DIP2A: variants seen among roughly 807,000 people sequenced by gnomAD.
DIP2A encodes the protein DIP2 acetate--CoA ligase A, also known as disco-interacting protein 2 homolog A.
DIP2A carries 85 observed loss-of-function variants against 177.4 expected under a neutral mutation model. That is an observed-to-expected ratio of 0.48 (90% CI 0.40 to 0.57). The LOEUF (loss-of-function observed/expected upper bound fraction) is 0.57. Among genes scored for constraint, DIP2A ranks in the 20% least tolerant of loss-of-function variants. The pLI is 0.00. For synonymous variants in DIP2A, 886 were observed against 881.8 expected (o/e 1.00, Z -0.08); for missense variants, 1,791 against 2,100.2 (o/e 0.85, Z 2.88).
In DIP2A at chr21:46,537,254, A is replaced by G; in HGVS notation, c.1673A>G (p.Lys558Arg). 1 of 1,614,042 alleles carries G rather than the reference A, an allele frequency of 6.2e-7. No individual in the cohort carries two copies. Among genetic ancestry groups the G allele is most frequent in the Non-Finnish European group, 8.5e-7 (1 of 1,179,884 alleles). ...ACATTAACAAACGTGCTGGATTTCAAAAGGGATGCTGGTCTGTGGCATGGC... is the reference window on the plus strand; with the variant it reads ...ACATTAACAAACGTGCTGGATTTCAGAAGGGATGCTGGTCTGTGGCATGGC... ...AETLTNVLDF[K>R]RDAGLWHGVL... The change falls in exon 14 of 38, where the codon AAA becomes AGA. Residue 558 changes from lysine (K) to arginine (R), a missense_variant. Physicochemically the swap from Lys to Arg is conservative, Grantham distance 26 (BLOSUM62 2). Coordinates refer to ENST00000417564, the MANE Select transcript of DIP2A (RefSeq NM_015151.4). This position sits in a 1 kb window ranked among gnomAD's most constrained non-coding sequence, Gnocchi z 4.1.
intron 11 of DIP2A, 112 bp from the exon 12 acceptor site, chr21:46,533,892 C>T: frequency 9.8e-7 from 1 of 1,024,030 alleles, no homozygotes; most frequent in Non-Finnish European, 1.4e-6. Context: ...CTAAAACTTG[C>T]ACTCCTTATT....
intron 18 of DIP2A, 33 bp from the exon 19 acceptor site, chr21:46,545,104 C>A: frequency 6.4e-7 from 1 of 1,561,314 alleles, no homozygotes; most frequent in South Asian, 1.2e-5. Context: ...TAAACACGTT[C>A]TTGATAATTT....
intron 1 of DIP2A, among the ~76,000 whole-genome samples, chr21:46,476,403 GT>G (rs143926236): frequency 0.019 from 2,899 of 152,264 alleles, 84 homozygotes; most frequent in African/African-American, 0.065. Flanking sequence ...AATCTACAGA[GT>G]TGGCATCAGC....
intron 1 of DIP2A, among the ~76,000 whole-genome samples, chr21:46,468,412 TAA>T (rs59835943): frequency 1.0e-3 from 144 of 142,568 alleles, no homozygotes; most frequent in East Asian, 2.2e-3. Flanking sequence ...ATACCCTGTC[TAA>T]AAAAAAAAAA....
At chr21:46,544,973 G>A (rs946696012) in intron 18 of DIP2A, among the ~76,000 whole-genome samples, 164 bp from the exon 19 acceptor site, 1 of 152,176 alleles carries the variant, frequency 6.6e-6, no homozygotes, top group East Asian at 1.9e-4. Flanking sequence ...AAGACTTACA[G>A]CTAGGTAGCA....
chr21:46,482,204 G>C (rs2056388958), intron 1 of DIP2A, among the ~76,000 whole-genome samples: 1 of 152,164 alleles, frequency 6.6e-6, no homozygotes, highest in African/African-American at 2.4e-5. Flanking sequence ...TCTATAGACT[G>C]CACAGACATT....
At chr21:46,555,438 A>C in intron 28 of DIP2A, 1 of 196,920 alleles carries the variant, frequency 5.1e-6, no homozygotes, top group East Asian at 1.3e-4. Flanking sequence ...AGGGGAGGGC[A>C]GGCTCAGAGC....
At chr21:46,540,948 G>A (rs2059790706) in intron 17 of DIP2A, among the ~76,000 whole-genome samples, 1 of 150,816 alleles carries the variant, frequency 6.6e-6, no homozygotes. Context: ...CCAGGAGGTG[G>A]AGGTTGCAAT....
downstream of DIP2A, among the ~76,000 whole-genome samples, chr21:46,574,643 T>G (rs1397162232): frequency 6.6e-6 from 1 of 151,992 alleles, no homozygotes; most frequent in Non-Finnish European, 1.5e-5. Flanking sequence ...AATTCTACAG[T>G]AATAAAAAGC....
intron 25 of DIP2A, 110 bp downstream of exon 25, chr21:46,552,014 C>CA: frequency 7.7e-7 from 1 of 1,301,654 alleles, no homozygotes; most frequent in Non-Finnish European, 1.1e-6. Context: ...GTTTAGAGAA[C>CA]AGGGTGCCTG....
At chr21:46,555,367 C>T (rs1191436147) in intron 28 of DIP2A, among the ~76,000 whole-genome samples, 1 of 152,246 alleles carries the variant, frequency 6.6e-6, no homozygotes, top group Non-Finnish European at 1.5e-5. Flanking sequence ...CCCCTGGCTC[C>T]CCTCTGCCGT....
chr21:46,561,035 G>C (rs34529071), intron 33 of DIP2A: 278,886 of 984,052 alleles, frequency 0.28, 40,511 homozygotes, highest in Middle Eastern at 0.33. Context: ...GTCTATCTCT[G>C]TGCGCCCGTG....
At chr21:46,554,069 G>C (rs2060365993) in intron 25 of DIP2A, 100 bp from the exon 26 acceptor site, 6 of 1,431,334 alleles carry the variant, frequency 4.2e-6, no homozygotes, top group Non-Finnish European at 5.7e-6. Flanking sequence ...TAATCACAAG[G>C]TGTCGTGTGC....
intron 17 of DIP2A, among the ~76,000 whole-genome samples, 200 bp downstream of exon 17, chr21:46,540,191 T>C (rs187478103): frequency 4.6e-5 from 7 of 152,306 alleles, no homozygotes; most frequent in Admixed American, 2.6e-4. Context: ...ATACTCTGGA[T>C]TCTTGCAGAA....
chr21:46,469,999 T>C (rs961820294), intron 1 of DIP2A, among the ~76,000 whole-genome samples: 1 of 152,248 alleles, frequency 6.6e-6, no homozygotes, highest in Non-Finnish European at 1.5e-5. Context: ...ATTTAATCTT[T>C]TAATGTATTA....
intron 17 of DIP2A, among the ~76,000 whole-genome samples, chr21:46,540,571 C>T (rs1180194809): frequency 6.6e-6 from 1 of 152,210 alleles, no homozygotes; most frequent in Non-Finnish European, 1.5e-5. Flanking sequence ...CTCTTCTCAC[C>T]TGCCCCACTC....
downstream of DIP2A, among the ~76,000 whole-genome samples, chr21:46,571,070 T>C (rs1313722464): frequency 6.6e-6 from 1 of 151,996 alleles, no homozygotes; most frequent in Non-Finnish European, 1.5e-5. Flanking sequence ...AAGAGGTGAG[T>C]GGTGGGTGAG....
rs2060024590 is a variant in DIP2A at position 46,546,087 on chromosome 21, G to A, written c.2394+126G>A. 20 of 1,532,982 alleles carry A rather than the reference G, an allele frequency of 1.3e-5. No individual in the cohort carries two copies. The South Asian group carries it at 2.1e-4, about 16-fold the overall frequency. The allele number at this position is 1,532,982 out of a possible 1,614,324, so 95.0% of individuals were successfully genotyped here. ...GACCTCCCATGTGGCCTTGGTCGGT[G>A]GCGCTGACCTCCCTGCCCATCACCC... On this transcript the variant is annotated intron_variant, in intron 20 of 37. Coordinates refer to ENST00000417564, the MANE Select transcript of DIP2A (RefSeq NM_015151.4).
chr21:46,549,694 C>T (rs2060195777), intron 21 of DIP2A, 77 bp from the exon 22 acceptor site: 12 of 1,581,048 alleles, frequency 7.6e-6, no homozygotes, highest in South Asian at 3.4e-5. Context: ...TCTGCCTCTT[C>T]CATCGTGAGG....
Sources: gnomAD v4.1 joint callset for allele counts (sites outside exome capture counted in the v4.1 genomes callset) on GRCh38, gnomAD v4.1.1 for gene constraint, Gnocchi (gnomAD v3.1) non-coding constraint, MANE v1.5 for transcripts, NCBI Gene and HGNC (gene_info 2026-07-23, HGNC 2026-07-21) for gene names.